FHL5: variants seen among roughly 807,000 people sequenced by gnomAD.
FHL5 encodes four and a half LIM domains protein 5.
A neutral mutation model predicts 32.0 loss-of-function variants in FHL5; 33 were observed. That is an observed-to-expected ratio of 1.03 (90% CI 0.78 to 1.38). The LOEUF is 1.38. Ranked by LOEUF, FHL5 falls within the 40% of genes most tolerant of loss-of-function variation. The pLI, the probability that FHL5 is intolerant of heterozygous loss-of-function variation, is 0.00. For synonymous variants in FHL5, 114 were observed against 113.6 expected (o/e 1.00, Z -0.02); for missense variants, 336 against 343.9 (o/e 0.98, Z 0.18).
chr6:96,593,108 ATCTTT>A (rs1390915767), intron 1 of FHL5, among the ~76,000 whole-genome samples: 1 of 151,840 alleles, frequency 6.6e-6, no homozygotes, highest in African/African-American at 2.4e-5. Flanking sequence ...ATTTCATACA[ATCTTT>A]TCTAAAATTT....
At position 96,616,336 on chromosome 6, in the gene FHL5, G is replaced by T. The variant is rs1771520987; in HGVS notation, c.*564G>T. On this transcript the variant is annotated 3_prime_UTR_variant, in exon 6 of 6. Coordinates refer to ENST00000450218, the MANE Select transcript of FHL5 (RefSeq NM_001322466.2). ...GAATTAAAAAACAAAGCTACAATTT[G>T]CCCTCATACACACTGCTTCCACAGC... 1 of 152,044 alleles carries T rather than the reference G, an allele frequency of 6.6e-6. No individual in the cohort carries two copies. The highest frequency in any genetic ancestry group is 6.6e-5 in the Admixed American group (1 of 15,258). The allele number at this position is 152,044 out of a possible 1,614,324, so 9.4% of individuals were successfully genotyped here.
chr6:96,599,323 G>A (rs1038297409), intron 1 of FHL5, among the ~76,000 whole-genome samples: 4 of 150,404 alleles, frequency 2.7e-5, no homozygotes, highest in Non-Finnish European at 4.4e-5. Context: ...AGCCTCCCTC[G>A]TAGCTGAAAT....
At chr6:96,567,715 A>C (rs1374635766) in intron 1 of FHL5, among the ~76,000 whole-genome samples, 1 of 150,950 alleles carries the variant, frequency 6.6e-6, no homozygotes, top group Non-Finnish European at 1.5e-5. Context: ...CCTTGGTTAA[A>C]TATATTCCTA....
At chr6:96,604,178 C>G (rs1223110092) in intron 2 of FHL5, among the ~76,000 whole-genome samples, 3 of 152,012 alleles carry the variant, frequency 2.0e-5, no homozygotes, top group Non-Finnish European at 4.4e-5. Flanking sequence ...GTAAAATCAG[C>G]TTCATTTCTT....
Position 96,615,712 on chromosome 6 carries a change from G to A in FHL5, c.795G>A (p.Leu265=). The change falls in exon 6 of 6, where the codon CTG becomes CTA. Residue 265 remains leucine (L), a synonymous_variant. Coordinates refer to ENST00000450218, the MANE Select transcript of FHL5 (RefSeq NM_001322466.2). ...CSVSLVGKGF[L]TQNKEIFCQK... ...TCTCCTTGGTGGGTAAAGGCTTCCTGACCCAGAACAAGGAAATCTTCTGCC... is the reference window on the plus strand; with the variant it reads ...TCTCCTTGGTGGGTAAAGGCTTCCTAACCCAGAACAAGGAAATCTTCTGCC... The A allele has an allele frequency of 6.2e-7, 1 of 1,612,590 alleles. No homozygotes were observed. The highest frequency in any genetic ancestry group is 8.5e-7 in the Non-Finnish European group (1 of 1,179,382).
intron 1 of FHL5, among the ~76,000 whole-genome samples, chr6:96,584,437 GTGTGTGTGTGTGTGTGTGTGTGTT>G (rs1003604957): frequency 3.9e-5 from 4 of 103,410 alleles, no homozygotes; most frequent in African/African-American, 1.7e-4. Context: ...GGTGGGATAT[GTGTGTGTGTGTGTGTGTGTGTGTT>G]TGTGTGTGTG....
chr6:96,581,864 G>A (rs531113604), intron 1 of FHL5, among the ~76,000 whole-genome samples: 29 of 152,158 alleles, frequency 1.9e-4, no homozygotes, highest in Non-Finnish European at 3.7e-4. Flanking sequence ...TGAAGAGGTG[G>A]AGGGGAATAC....
intron 3 of FHL5, among the ~76,000 whole-genome samples, chr6:96,605,584 C>CT (rs1771259005): frequency 6.6e-6 from 1 of 152,066 alleles, no homozygotes; most frequent in Admixed American, 6.6e-5. Flanking sequence ...TATTATGGCC[C>CT]AATTTATCCA....
chr6:96,601,423 G>A (rs900955305), intron 1 of FHL5, among the ~76,000 whole-genome samples: 1 of 152,184 alleles, frequency 6.6e-6, no homozygotes, highest in Admixed American at 6.5e-5. Context: ...AATTAGGACT[G>A]GGGTGGGAGA....
At chr6:96,571,701 A>T (rs1770482630) in intron 1 of FHL5, among the ~76,000 whole-genome samples, 1 of 152,118 alleles carries the variant, frequency 6.6e-6, no homozygotes, top group African/African-American at 2.4e-5. Flanking sequence ...AGGGCACAGC[A>T]CTGGCCTGAC....
rs1301627989 is a variant in FHL5 at position 96,563,215 on chromosome 6, G to A, written c.-153G>A. ...TGCAAAGTTGAAAAAGCTGCATGCA[G>A]TTGGAAGGGATCTTCAGATGGTGCT... On this transcript the variant is annotated 5_prime_UTR_variant, in exon 1 of 6. Transcript: ENST00000450218. The A allele has an allele frequency of 1.3e-5, 2 of 152,218 alleles. No individual in the cohort carries two copies. The highest frequency in any genetic ancestry group is 4.8e-5 in the African/African-American group (2 of 41,450). The allele number at this position is 152,218 out of a possible 1,614,324, so 9.4% of individuals were successfully genotyped here. A position where few individuals can be genotyped will look rare whatever the true frequency, so the allele number is the denominator to read the frequency against.
intron 3 of FHL5, among the ~76,000 whole-genome samples, 199 bp downstream of exon 3, chr6:96,605,123 TC>T (rs1771245522): frequency 6.6e-6 from 1 of 152,198 alleles, no homozygotes; most frequent in African/African-American, 2.4e-5. Context: ...ATTACAGTGT[TC>T]TGTGTATTTT....
At position 96,610,698 on chromosome 6, in the gene FHL5, G is replaced by A. The variant is rs2252816; in HGVS notation, c.631G>A (p.Val211Met). Reference protein sequence around the residue: ...FMSRDDYPFCVDCYNHLYANK... With the variant: ...FMSRDDYPFCMDCYNHLYANK... The stretch of plus-strand genomic sequence containing the variant: ...GTCCAGAGACGACTATCCATTCTGC[G>A]TGGACTGCTACAACCATCTTTATGC... The change falls in exon 5 of 6, where the codon GTG (valine) becomes ATG (methionine). Residue 211 changes from valine to methionine, a missense_variant. Transcript: ENST00000450218. 608,037 of 1,612,874 alleles carry A rather than the reference G, an allele frequency of 0.38. 120,284 individuals are homozygous for A. The highest frequency in any genetic ancestry group is 0.53 in the Admixed American group (32,010 of 59,990).
rs190034987 is a variant in FHL5, at chr6:96,615,516, G to A, written c.692-93G>A. 3.2e-4 allele frequency: 332 copies of A among 1,035,416 alleles called. No homozygotes were observed. The African/African-American group carries it at 4.6e-3, about 14-fold the overall frequency. 64.1% of individuals were successfully genotyped at this position (1,035,416 alleles called of 1,614,324 possible). On this transcript the variant is annotated intron_variant, in intron 5 of 5. Coordinates refer to ENST00000450218, the MANE Select transcript of FHL5 (RefSeq NM_001322466.2). ...TTGCCTCTGCGTTGTTTTGCTCATA[G>A]CTCTATCTCCAGTTCCTAGAGGAGC...
At chr6:96,565,671 A>G (rs1055436303) in intron 1 of FHL5, among the ~76,000 whole-genome samples, 62 of 152,088 alleles carry the variant, frequency 4.1e-4, no homozygotes, top group African/African-American at 1.4e-3. Context: ...GTATTTTTCC[A>G]ATATCATTGC....
intron 3 of FHL5, 79 bp downstream of exon 3, chr6:96,605,003 C>A: frequency 1.8e-6 from 2 of 1,090,164 alleles, no homozygotes; most frequent in Non-Finnish European, 1.3e-6. Flanking sequence ...AGGAGTGCAG[C>A]AGCTCCCAAA....
intron 4 of FHL5, among the ~76,000 whole-genome samples, chr6:96,607,241 A>G (rs527783462): frequency 1.4e-5 from 2 of 147,988 alleles, no homozygotes; most frequent in East Asian, 3.9e-4. Context: ...ATAAATTGTC[A>G]TGAGAAAGCT....
At chr6:96,564,417 T>C (rs1770309740) in intron 1 of FHL5, among the ~76,000 whole-genome samples, 8 of 152,202 alleles carry the variant, frequency 5.3e-5, no homozygotes, top group Admixed American at 5.2e-4. Flanking sequence ...TTTCTACACT[T>C]GTTCTATTTA....
At chr6:96,585,589 T>C (rs1770780816) in intron 1 of FHL5, among the ~76,000 whole-genome samples, 1 of 152,194 alleles carries the variant, frequency 6.6e-6, no homozygotes, top group Non-Finnish European at 1.5e-5. Context: ...CTCTATATCC[T>C]GTATTTTAAG....
Sources: allele counts gnomAD v4.1 joint callset (sites outside exome capture counted in the v4.1 genomes callset), GRCh38; gene constraint gnomAD v4.1.1; transcripts MANE v1.5; gene names NCBI Gene and HGNC (gene_info 2026-07-23, HGNC 2026-07-21).